Variants in PTPN12 observed in about 807,000 individuals in gnomAD.
The protein encoded by PTPN12 is protein tyrosine phosphatase non-receptor type 12.
In PTPN12, 29 loss-of-function variants were observed where a neutral mutation model predicts 97.6. The ratio of observed to expected loss-of-function variants is 0.30; its 90% CI spans 0.22 to 0.41. PTPN12 has a LOEUF of 0.41. Among genes scored for constraint, PTPN12 ranks in the 10% least tolerant of loss-of-function variants. The pLI, the probability that PTPN12 is intolerant of heterozygous loss-of-function variation, is 1.00. For missense variants in PTPN12, 819 were observed against 926.0 expected (o/e 0.88, Z 1.50); for synonymous variants, 327 against 300.4 (o/e 1.09, Z -0.91).
intron 1 of PTPN12, among the ~76,000 whole-genome samples, chr7:77,544,649 C>A (rs1224902818): frequency 6.6e-6 from 1 of 152,102 alleles, no homozygotes; most frequent in East Asian, 1.9e-4. Flanking sequence ...ATGTTAAATA[C>A]TTCTGTGTTT....
intron 4 of PTPN12, among the ~76,000 whole-genome samples, chr7:77,584,252 C>G (rs1219863488): frequency 6.6e-6 from 1 of 152,114 alleles, no homozygotes; most frequent in African/African-American, 2.4e-5. Context: ...TAATGTGAAA[C>G]TTTCATTTTT....
chr7:77,582,081 G>GTTTTTTTTT (rs1237836254), intron 3 of PTPN12, among the ~76,000 whole-genome samples: 34 of 74,290 alleles, frequency 4.6e-4, no homozygotes, highest in Non-Finnish European at 5.8e-4. Context: ...AAGCAGTCAA[G>GTTTTTTTTT]TTCTTTTTTT....
intron 9 of PTPN12, among the ~76,000 whole-genome samples, chr7:77,609,168 C>T (rs1461966409): frequency 1.3e-5 from 2 of 151,678 alleles, no homozygotes; most frequent in East Asian, 1.9e-4. Flanking sequence ...TGCAGTGAGC[C>T]GAGATTGTGC....
chr7:77,587,389 T>C (rs1159972297), intron 5 of PTPN12, among the ~76,000 whole-genome samples: 1 of 151,940 alleles, frequency 6.6e-6, no homozygotes, highest in African/African-American at 2.4e-5. Context: ...AAAGGAATTT[T>C]TTTTTCCAAC....
At chr7:77,594,687 A>C (rs139656599) in intron 6 of PTPN12, among the ~76,000 whole-genome samples, 1 of 152,042 alleles carries the variant, frequency 6.6e-6, no homozygotes, top group Admixed American at 6.6e-5. Context: ...GTCTTTTTGT[A>C]GAGACGAGGT....
intron 2 of PTPN12, among the ~76,000 whole-genome samples, chr7:77,577,851 T>A (rs948803104): frequency 6.6e-6 from 1 of 152,222 alleles, no homozygotes; most frequent in African/African-American, 2.4e-5. Flanking sequence ...CAAGATGTAG[T>A]ACTCCAGAAA....
intron 9 of PTPN12, among the ~76,000 whole-genome samples, chr7:77,609,998 G>A (rs1370229508): frequency 1.3e-5 from 2 of 151,820 alleles, no homozygotes; most frequent in East Asian, 3.9e-4. Flanking sequence ...AAATATTCTT[G>A]TTGATAACAG....
At chr7:77,622,346 A>T (rs911831838) in intron 12 of PTPN12, among the ~76,000 whole-genome samples, 5 of 152,240 alleles carry the variant, frequency 3.3e-5, no homozygotes, top group African/African-American at 1.2e-4. Context: ...AACAGAGGAA[A>T]TGGAGACAAT....
chr7:77,601,957 T>C (rs1788200774), intron 8 of PTPN12, among the ~76,000 whole-genome samples: 1 of 152,236 alleles, frequency 6.6e-6, no homozygotes. Flanking sequence ...CAATGATTAC[T>C]GACCTAGTTA....
chr7:77,569,367 AG>A (rs1208549093), intron 1 of PTPN12, among the ~76,000 whole-genome samples: 3 of 152,208 alleles, frequency 2.0e-5, no homozygotes, highest in African/African-American at 7.2e-5. Flanking sequence ...ATATATAAAA[AG>A]CTAACTCATT....
intron 9 of PTPN12, among the ~76,000 whole-genome samples, chr7:77,608,540 G>C (rs1001428475): frequency 6.6e-6 from 1 of 152,152 alleles, no homozygotes; most frequent in African/African-American, 2.4e-5. Context: ...TTCATTTCTA[G>C]AGAGGCGCCT....
At chr7:77,539,154 A>G (rs1447212638) in intron 1 of PTPN12, among the ~76,000 whole-genome samples, 2 of 152,186 alleles carry the variant, frequency 1.3e-5, no homozygotes, top group Admixed American at 6.5e-5. Context: ...CTGGTCTAGT[A>G]AAGCTTTAGC....
At chr7:77,594,421 A>T (rs1195900367) in intron 6 of PTPN12, among the ~76,000 whole-genome samples, 2 of 152,202 alleles carry the variant, frequency 1.3e-5, no homozygotes, top group African/African-American at 4.8e-5. Context: ...CCAGAAAGAA[A>T]TCTGTAATAT....
At chr7:77,600,591 G>A in intron 7 of PTPN12, 73 bp from the exon 8 acceptor site, 2 of 1,316,296 alleles carry the variant, frequency 1.5e-6, no homozygotes, top group East Asian at 2.5e-5. Flanking sequence ...AGAAATGGCA[G>A]TTTAAATGAG....
intron 1 of PTPN12, chr7:77,545,692 GA>G (rs1473244596): frequency 6.6e-6 from 1 of 151,708 alleles, no homozygotes; most frequent in Non-Finnish European, 1.5e-5. Flanking sequence ...TCCTAGTTGA[GA>G]ATCACAGGCC....
intron 9 of PTPN12, 44 bp downstream of exon 9, chr7:77,607,345 T>C (rs781064951): frequency 3.7e-6 from 5 of 1,350,310 alleles, no homozygotes; most frequent in Non-Finnish European, 5.3e-6. Context: ...TGATCTATTA[T>C]GATTTTCAAA....
intron 1 of PTPN12, among the ~76,000 whole-genome samples, chr7:77,553,230 T>G (rs999543143): frequency 6.6e-6 from 1 of 152,214 alleles, no homozygotes; most frequent in Non-Finnish European, 1.5e-5. Flanking sequence ...GTTGAATGTT[T>G]CATGTAAACT....
chr7:77,612,928 C>T (rs1449511128), intron 11 of PTPN12, among the ~76,000 whole-genome samples: 1 of 151,140 alleles, frequency 6.6e-6, no homozygotes, highest in Non-Finnish European at 1.5e-5. Flanking sequence ...TGTATCACCA[C>T]ATCCAGCTAA....
intron 14 of PTPN12, among the ~76,000 whole-genome samples, chr7:77,634,180 C>CAG (rs60871483): frequency 0.72 from 109,226 of 151,392 alleles, 40,710 homozygotes; most frequent in East Asian, 0.9. Flanking sequence ...AGTTTGGTAA[C>CAG]AGTGAGACCC....
Sources: gnomAD v4.1 joint callset for allele counts (sites outside exome capture counted in the v4.1 genomes callset) on GRCh38, gnomAD v4.1.1 for gene constraint, MANE v1.5 for transcripts, NCBI Gene and HGNC (gene_info 2026-07-23, HGNC 2026-07-21) for gene names.